Variants in NRG4 observed in about 807,000 individuals in gnomAD.
The protein encoded by NRG4 is pro-neuregulin-4, membrane-bound isoform.
NRG4 carries 10 observed loss-of-function variants against 15.0 expected under a neutral mutation model. That is an observed-to-expected ratio of 0.67 (90% confidence interval 0.41 to 1.13). The LOEUF (loss-of-function observed/expected upper bound fraction) is 1.13. Among genes scored for constraint, NRG4 ranks in the 50% most tolerant of loss-of-function variants. NRG4 has a pLI of 0.00. For synonymous variants in NRG4, 41 were observed against 50.1 expected (o/e 0.82, Z 0.77); for missense variants, 139 against 140.2 (o/e 0.99, Z 0.04).
At chr15:76,019,694 A>G (rs751878931) in intron 5 of NRG4, among the ~76,000 whole-genome samples, 41 of 151,986 alleles carry the variant, frequency 2.7e-4, no homozygotes, top group Admixed American at 5.2e-4. Flanking sequence ...ACCCATCCCA[A>G]TGAGATAAGC....
upstream of NRG4, among the ~76,000 whole-genome samples, chr15:76,014,831 T>C (rs539279123): frequency 6.6e-6 from 1 of 152,328 alleles, no homozygotes; most frequent in South Asian, 2.1e-4. Flanking sequence ...ACACAGGCTC[T>C]TTTTTGGTTC....
chr15:76,019,827 C>G (rs2035098832), intron 5 of NRG4, among the ~76,000 whole-genome samples: 1 of 152,158 alleles, frequency 6.6e-6, no homozygotes, highest in South Asian at 2.1e-4. Flanking sequence ...ATATTATCTC[C>G]CACATTCAAA....
At chr15:76,005,397 A>G (rs2034562370) in intron 3 of NRG4, among the ~76,000 whole-genome samples, 2 of 147,980 alleles carry the variant, frequency 1.4e-5, no homozygotes, top group African/African-American at 5.0e-5. Flanking sequence ...AAAAAAAAAA[A>G]AAAAGGGCCA....
intron 5 of NRG4, among the ~76,000 whole-genome samples, chr15:76,035,040 C>T (rs2035567596): frequency 6.6e-6 from 1 of 152,224 alleles, no homozygotes; most frequent in African/African-American, 2.4e-5. Context: ...AATCAAATGC[C>T]TTGCGGTCAC....
At chr15:75,984,991 C>G (rs113670074) in intron 3 of NRG4, among the ~76,000 whole-genome samples, 1 of 151,976 alleles carries the variant, frequency 6.6e-6, no homozygotes. Context: ...ACTACAGGCA[C>G]GCCTCACCAT....
intron 3 of NRG4, among the ~76,000 whole-genome samples, chr15:76,007,488 G>A (rs997474203): frequency 1.4e-4 from 21 of 148,906 alleles, no homozygotes; most frequent in African/African-American, 4.7e-4. Flanking sequence ...GGAGTGCAGC[G>A]GTGTGATCTT....
intron 2 of NRG4, among the ~76,000 whole-genome samples, chr15:76,054,939 T>C (rs915326999): frequency 1.3e-5 from 2 of 152,090 alleles, no homozygotes; most frequent in Non-Finnish European, 2.9e-5. Flanking sequence ...CTATTAACAA[T>C]GAAAAAAGAA....
chr15:76,030,710 C>G (rs911181660), intron 5 of NRG4, among the ~76,000 whole-genome samples: 5 of 152,172 alleles, frequency 3.3e-5, no homozygotes, highest in Non-Finnish European at 7.3e-5. Context: ...CTCAAAGGCA[C>G]AGTAACAAAG....
intron 3 of NRG4, among the ~76,000 whole-genome samples, chr15:75,981,294 A>C (rs957403371): frequency 1.3e-5 from 2 of 152,170 alleles, no homozygotes; most frequent in Non-Finnish European, 2.9e-5. Context: ...TCTACTTTAA[A>C]TGTTTCAGAT....
chr15:76,022,002 T>C (rs551127220), intron 5 of NRG4, among the ~76,000 whole-genome samples: 1 of 152,298 alleles, frequency 6.6e-6, no homozygotes, highest in African/African-American at 2.4e-5. Context: ...CCCTCACATG[T>C]GCAGTTCACA....
At chr15:76,037,424 C>A (rs1161978587) in intron 4 of NRG4, among the ~76,000 whole-genome samples, 2 of 152,144 alleles carry the variant, frequency 1.3e-5, no homozygotes, top group African/African-American at 4.8e-5. Flanking sequence ...TGAGACTTTA[C>A]ATTGAACTCA....
At chr15:75,944,521 C>T (rs1038614569) in intron 5 of NRG4, among the ~76,000 whole-genome samples, 5 of 152,032 alleles carry the variant, frequency 3.3e-5, no homozygotes, top group African/African-American at 9.7e-5. Context: ...GCACACAAGG[C>T]GACATGAATA....
At chr15:76,022,919 G>A (rs1396070104) in intron 5 of NRG4, among the ~76,000 whole-genome samples, 2 of 151,990 alleles carry the variant, frequency 1.3e-5, no homozygotes, top group African/African-American at 2.4e-5. Flanking sequence ...ATAAAGCACA[G>A]GAATTAGGAC....
rs549157962 is a variant in NRG4, at chr15:75,969,558, A to C, written c.105-7584T>G. Among the ~76,000 whole-genome samples the C allele has an allele frequency of 8.4e-4, 128 of 152,352 alleles. 1 individual carries two copies. The highest frequency in any genetic ancestry group is 2.8e-3 in the African/African-American group (118 of 41,578). On this transcript the variant is annotated intron_variant, in intron 3 of 5. Transcript: ENST00000394907. ...GTTTCTATTCTTGGATATGTGACAC[A>C]AATCAGTAAGACAAACTCAGGTAAA...
Position 75,948,005 on chromosome 15 carries a change from C to A in NRG4, c.332-4351G>T, listed in dbSNP as rs74624462. Among the ~76,000 whole-genome samples the A allele has an allele frequency of 1.4e-4, 21 of 152,180 alleles. No individual in the cohort carries two copies. The East Asian group carries it at 4.1e-3, about 29-fold the overall frequency. ...CCTTTGCCCGTTTTTGAATTAGGTT[C>A]TTCTACTTGTTGTAATTGAGTTTTA... On this transcript the variant is annotated intron_variant, in intron 5 of 5. Coordinates refer to ENST00000394907, the MANE Select transcript of NRG4 (RefSeq NM_138573.4).
At chr15:76,010,216 A>C (rs1480402804) in intron 2 of NRG4, among the ~76,000 whole-genome samples, 1 of 152,154 alleles carries the variant, frequency 6.6e-6, no homozygotes, top group Non-Finnish European at 1.5e-5. Flanking sequence ...AAATTGGTGA[A>C]TATCTTATCT....
chr15:75,948,330 T>C (rs1371693092), intron 5 of NRG4, among the ~76,000 whole-genome samples: 2 of 151,714 alleles, frequency 1.3e-5, no homozygotes, highest in African/African-American at 4.8e-5. Context: ...TATTTATTTA[T>C]TTATTTATTT....
At chr15:76,043,701 G>A (rs148635287) in intron 4 of NRG4, among the ~76,000 whole-genome samples, 32 of 152,290 alleles carry the variant, frequency 2.1e-4, no homozygotes, top group Non-Finnish European at 3.7e-4. Context: ...TTGTTAAAAC[G>A]TCCACACTAC....
At chr15:76,056,825 A>C (rs1299531935) in intron 2 of NRG4, 1 of 152,240 alleles carries the variant, frequency 6.6e-6, no homozygotes, top group Non-Finnish European at 1.5e-5. Flanking sequence ...AGACATTCAC[A>C]GGATCAACAT....
Sources: gnomAD v4.1 joint callset for allele counts (sites outside exome capture counted in the v4.1 genomes callset) on GRCh38, gnomAD v4.1.1 for gene constraint, MANE v1.5 for transcripts, NCBI Gene and HGNC (gene_info 2026-07-23, HGNC 2026-07-21) for gene names.